The following HDHD5 variants were observed in gnomAD, a reference collection of about 807,000 sequenced individuals.
The protein encoded by HDHD5 is haloacid dehalogenase-like hydrolase domain-containing 5.
In HDHD5, 34 loss-of-function variants were observed where a neutral mutation model predicts 35.5. The ratio of observed to expected loss-of-function variants is 0.96; its 90% CI spans 0.73 to 1.28. HDHD5 has a LOEUF of 1.28. Among genes scored for constraint, HDHD5 ranks in the 50% most tolerant of loss-of-function variants. The pLI, the probability that HDHD5 is intolerant of heterozygous loss-of-function variation, is 0.00. For missense variants in HDHD5, 589 were observed against 560.2 expected, an observed-to-expected ratio of 1.05 and a Z score of -0.52; for synonymous variants, 248 against 240.6, an observed-to-expected ratio of 1.03 and a Z score of -0.29.
At chr22:17,158,445 G>C (rs1046545704) in intron 1 of HDHD5, 11 of 152,246 alleles carry the variant, frequency 7.2e-5, no homozygotes, top group African/African-American at 2.2e-4. Context: ...GAGAGCCGTG[G>C]ATCTGACCAA....
At chr22:17,157,271 C>CTTTTT (rs372356199) in intron 1 of HDHD5, among the ~76,000 whole-genome samples, 2,887 of 136,602 alleles carry the variant, frequency 0.021, 143 homozygotes, top group African/African-American at 0.075. Context: ...GGTTAATTTT[C>CTTTTT]TTTTTTTTTT....
chr22:17,153,561 C>G (rs565784736), intron 1 of HDHD5, among the ~76,000 whole-genome samples: 1 of 152,304 alleles, frequency 6.6e-6, no homozygotes, highest in African/African-American at 2.4e-5. Context: ...CTAACCTAGG[C>G]CCACAGATAG....
At chr22:17,144,916 G>T in intron 4 of HDHD5, 108 bp downstream of exon 4, 1 of 1,344,022 alleles carries the variant, frequency 7.4e-7, no homozygotes, top group South Asian at 1.2e-5. Flanking sequence ...AAGAAGCATG[G>T]ACAAATCACA....
chr22:17,159,546 A>T (rs1431336442), upstream of HDHD5: 2 of 451,516 alleles, frequency 4.4e-6, no homozygotes, highest in Non-Finnish European at 8.8e-6. Flanking sequence ...GTGCCTGCGG[A>T]TCCCGGTAAC....
At chr22:17,144,914 TGGACAAATCACAGCTCTGCA>T in intron 4 of HDHD5, 90 bp downstream of exon 4, 4 of 1,320,744 alleles carry the variant, frequency 3.0e-6, no homozygotes, top group Non-Finnish European at 4.3e-6. Context: ...CAAAGAAGCA[TGGACAAATCACAGCTCTGCA>T]GGAGGGCTTG....
intron 4 of HDHD5, among the ~76,000 whole-genome samples, chr22:17,143,825 C>G (rs2061626633): frequency 1.3e-5 from 2 of 152,224 alleles, no homozygotes; most frequent in Non-Finnish European, 2.9e-5. Context: ...TGCATGTCGT[C>G]AAACTGTGAG....
intron 4 of HDHD5, 80 bp downstream of exon 4, chr22:17,144,944 G>A: frequency 6.5e-7 from 1 of 1,532,628 alleles, no homozygotes; most frequent in East Asian, 2.3e-5. Flanking sequence ...AGGAGGGCTT[G>A]CAAGGTCAGC....
chr22:17,165,253 C>A (rs2061884684), exon 1 of HDHD5: 1 of 775,580 alleles, frequency 1.3e-6, no homozygotes, highest in South Asian at 1.4e-5. Context: ...ATGATTTAGT[C>A]CCCTCTCCTC....
At chr22:17,138,822 A>C in intron 6 of HDHD5, 84 bp from the exon 7 acceptor site, 1 of 1,485,018 alleles carries the variant, frequency 6.7e-7, no homozygotes. Context: ...TCTAAGCAGC[A>C]AACACACAGA....
In HDHD5 at chr22:17,138,097, T is replaced by C; in HGVS notation, c.1196A>G (p.Glu399Gly). ...CACGTCATTCACCACGTGGGAGGCC[T>C]CCATGAGCCCTGGACTGAAGCATAA... ...RDLCFSPGLMEASHVVNDVNE... is the reference protein window; with the variant it reads ...RDLCFSPGLMGASHVVNDVNE... The change falls in exon 8 of 8, where the codon GAG becomes GGG. Residue 399 changes from glutamate to glycine, a missense_variant. Glu to Gly is a moderately conservative substitution (Grantham distance 98). Transcript: ENST00000336737. The C allele has an allele frequency of 6.2e-7, 1 of 1,613,702 alleles. No homozygotes were observed. The highest frequency in any genetic ancestry group is 8.5e-7 in the Non-Finnish European group (1 of 1,179,942).
At chr22:17,150,496 T>G (rs2061713890) in intron 1 of HDHD5, among the ~76,000 whole-genome samples, 1 of 151,724 alleles carries the variant, frequency 6.6e-6, no homozygotes, top group South Asian at 2.1e-4. Flanking sequence ...TCCATCTTAC[T>G]TTTTTAGTTG....
At chr22:17,144,444 C>T (rs1329479618) in intron 4 of HDHD5, among the ~76,000 whole-genome samples, 5 of 146,956 alleles carry the variant, frequency 3.4e-5, no homozygotes, top group South Asian at 2.2e-4. Context: ...GACGGAGTCT[C>T]GCTCTGTTGC....
intron 1 of HDHD5, among the ~76,000 whole-genome samples, chr22:17,154,100 A>G (rs538680511): frequency 3.5e-4 from 53 of 151,608 alleles, no homozygotes; most frequent in East Asian, 7.9e-4. Flanking sequence ...AACCTCAGGC[A>G]ATCTGCCCAC....
At chr22:17,157,056 C>A (rs2061801903) in intron 1 of HDHD5, among the ~76,000 whole-genome samples, 1 of 136,426 alleles carries the variant, frequency 7.3e-6, no homozygotes, top group Non-Finnish European at 1.6e-5. Flanking sequence ...CCAGCCCGGG[C>A]AACAGAGCTA....
intron 5 of HDHD5, chr22:17,141,981 A>G (rs2061605403): frequency 6.6e-6 from 1 of 152,260 alleles, no homozygotes; most frequent in African/African-American, 2.4e-5. Flanking sequence ...AATGACTAGA[A>G]CCTAGCAAGT....
At chr22:17,159,378 G>A (rs966112958), upstream of HDHD5, 4 of 1,108,540 alleles carry the variant, frequency 3.6e-6, no homozygotes, top group African/African-American at 1.7e-5. Flanking sequence ...AGCGCGCGGA[G>A]CCCGTCGGGC....
At chr22:17,148,669 G>T in intron 2 of HDHD5, 109 bp from the exon 3 acceptor site, 1 of 797,562 alleles carries the variant, frequency 1.3e-6, no homozygotes, top group Non-Finnish European at 2.1e-6. Flanking sequence ...AACCCGCTCA[G>T]AAAAAGAACG....
chr22:17,144,982 A>C (rs1478777741), intron 4 of HDHD5, 42 bp downstream of exon 4: 2 of 1,610,328 alleles, frequency 1.2e-6, no homozygotes, highest in Admixed American at 1.7e-5. Flanking sequence ...GCACTGGAGG[A>C]GTGAAGGATG....
intron 3 of HDHD5, among the ~76,000 whole-genome samples, chr22:17,145,383 C>T (rs1043229159): frequency 7.2e-5 from 11 of 152,198 alleles, no homozygotes; most frequent in African/African-American, 2.7e-4. Context: ...ATGCTGGGCA[C>T]AGCCTAGGGG....
Sources: gnomAD v4.1 joint callset for allele counts (sites outside exome capture counted in the v4.1 genomes callset) on GRCh38, gnomAD v4.1.1 for gene constraint, MANE v1.5 for transcripts, NCBI Gene and HGNC (gene_info 2026-07-23, HGNC 2026-07-21) for gene names.